Variants in LMOD1 observed in about 807,000 individuals in gnomAD.
The protein encoded by LMOD1 is leiomodin 1, also known as leiomodin-1.
A neutral mutation model predicts 36.5 loss-of-function variants in LMOD1; 8 were observed. The ratio of observed to expected loss-of-function variants is 0.22; its 90% confidence interval spans 0.13 to 0.40. The LOEUF (loss-of-function observed/expected upper bound fraction) is 0.40. LMOD1 is among the 10% of genes least tolerant of loss of function. The probability of loss-of-function intolerance (pLI) is 1.00; values close to 1 mark genes in which losing one functional copy is unlikely to be tolerated. For missense variants in LMOD1, 630 were observed against 751.1 expected (o/e 0.84, Z 1.88); for synonymous variants, 284 against 288.7 (o/e 0.98, Z 0.17).
Position 201,901,520 on chromosome 1 carries a change from ATATATATATG to A in LMOD1, c.262-779_262-770del, listed in dbSNP as rs1317422332. Among the ~76,000 whole-genome samples the A allele has an allele frequency of 1.7e-4, 10 of 57,196 alleles. 1 individual carries two copies. The highest frequency in any genetic ancestry group is 7.6e-4 in the African/African-American group (10 of 13,152). 37.5% of individuals were successfully genotyped at this position (57,196 alleles called of 152,430 possible). A position where few individuals can be genotyped will look rare whatever the true frequency, so the allele number is the denominator to read the frequency against. On this transcript the variant is annotated intron_variant, in intron 1 of 2. Coordinates refer to ENST00000367288, the MANE Select transcript of LMOD1 (RefSeq NM_012134.3). ...TCTGTCTCAAAAAAAAAATATATATATATATATATGTATATATATATATATATATATACAT... is the reference window on the plus strand; with the variant it reads ...TCTGTCTCAAAAAAAAAATATATATATATATATATATATATATATATACAT...
At chr1:201,924,652 GAA>G (rs1202826557) in intron 1 of LMOD1, among the ~76,000 whole-genome samples, 1 of 134,282 alleles carries the variant, frequency 7.4e-6, no homozygotes, top group Admixed American at 7.8e-5. Context: ...AAGAAAGAGA[GAA>G]AGAAAGAAAA....
intron 1 of LMOD1, 35 bp from the exon 2 acceptor site, chr1:201,900,786 G>T (rs1274512551): frequency 1.3e-6 from 2 of 1,538,150 alleles, no homozygotes; most frequent in Non-Finnish European, 1.7e-6. Context: ...ATCATGAAAA[G>T]CTGGCTACAG....
chr1:201,924,683 AAG>A (rs1681791643), intron 1 of LMOD1, among the ~76,000 whole-genome samples: 5 of 47,412 alleles, frequency 1.1e-4, no homozygotes, highest in Admixed American at 2.6e-4. Context: ...GAAAGAAAGA[AAG>A]AAAGAAAGAA....
intron 1 of LMOD1, among the ~76,000 whole-genome samples, chr1:201,941,404 C>T (rs747461085): frequency 1.1e-4 from 17 of 152,182 alleles, no homozygotes; most frequent in South Asian, 4.1e-4. Context: ...AATTTCAGGG[C>T]GAGATTTTAA....
chr1:201,901,561 T>TAC (rs1681311846), intron 1 of LMOD1, among the ~76,000 whole-genome samples: 3 of 30,166 alleles, frequency 9.9e-5, no homozygotes, highest in African/African-American at 5.7e-4. Flanking sequence ...TACATATATA[T>TAC]ATGTATATAT....
Position 201,897,170 on chromosome 1 carries a change from G to T in LMOD1, c.*1202C>A. 4.3e-6 allele frequency: 1 copy of T among 230,094 alleles called. No individual in the cohort carries two copies. Among genetic ancestry groups the T allele is most frequent in the Non-Finnish European group, 8.8e-6 (1 of 113,252 alleles). 14.3% of individuals were successfully genotyped at this position (230,094 alleles called of 1,614,324 possible). On this transcript the variant is annotated 3_prime_UTR_variant, in exon 3 of 3. Transcript: ENST00000367288. ...GAAGATGAGGCCCCTCTGAGCCCTA[G>T]GGCACACAGATATGGGTGCTATTCT...
In LMOD1 at chr1:201,901,553, CATATATATATGTATATATATATATATAT is replaced by C. The variant is rs779603669; in HGVS notation, c.262-830_262-803del. 1.5e-3 allele frequency among the ~76,000 whole-genome samples: 56 copies of C among 38,358 alleles called. 5 individuals carry two copies. Among genetic ancestry groups the C allele is most frequent in the South Asian group, 3.8e-3 (4 of 1,040 alleles). 25.2% of individuals were successfully genotyped at this position (38,358 alleles called of 152,430 possible). On this transcript the variant is annotated intron_variant, in intron 1 of 2. Coordinates refer to ENST00000367288, the MANE Select transcript of LMOD1 (RefSeq NM_012134.3). ...ATGTATATATATATATATATATATA[CATATATATATGTATATATATATATATAT>C]ATACATATATATATGTATATATATA... is the stretch of plus-strand genomic sequence containing the variant.
At chr1:201,935,447 C>A (rs919490523) in intron 1 of LMOD1, among the ~76,000 whole-genome samples, 1 of 151,852 alleles carries the variant, frequency 6.6e-6, no homozygotes, top group Non-Finnish European at 1.5e-5. Flanking sequence ...CCCAAAACCA[C>A]TCCTTCTCTG....
intron 1 of LMOD1, among the ~76,000 whole-genome samples, chr1:201,919,954 T>C (rs903205928): frequency 1.1e-4 from 17 of 151,876 alleles, no homozygotes; most frequent in Admixed American, 6.6e-4. Context: ...TTTCAGTGTC[T>C]TCCTAAAGTC....
Position 201,900,736 on chromosome 1 carries a change from C to G in LMOD1, c.277G>C (p.Glu93Gln), listed in dbSNP as rs1681287333. Residue 93 changes from glutamate to glutamine, a missense_variant, in exon 2 of 3, where the codon GAG becomes CAG. Physicochemically the swap from Glu to Gln is conservative, Grantham distance 29 (BLOSUM62 2). Around this residue, in one of 3 missense-constraint regions of LMOD1, gnomAD observed 405 missense variants for 400.6 expected, o/e 1.01. Coordinates refer to ENST00000367288, the MANE Select transcript of LMOD1 (RefSeq NM_012134.3). Reference protein sequence around the residue: ...EMSMDESKQVETKTDAKNGEE... With the variant: ...EMSMDESKQVQTKTDAKNGEE... ...CCATTCTTGGCATCTGTCTTGGTCT[C>G]CACTTGCTTGCTTTCCTAAGAATTC... 1 of 1,579,418 alleles carries G rather than the reference C, an allele frequency of 6.3e-7. No homozygotes were observed.
At chr1:201,905,818 T>C (rs572347495) in intron 1 of LMOD1, among the ~76,000 whole-genome samples, 1 of 152,354 alleles carries the variant, frequency 6.6e-6, no homozygotes, top group African/African-American at 2.4e-5. Flanking sequence ...GAGGTCACTT[T>C]CCAGGCACTC....
Position 201,900,500 on chromosome 1 carries a change from C to G in LMOD1, c.513G>C (p.Glu171Asp). The G allele has an allele frequency of 6.2e-7, 1 of 1,613,818 alleles. No homozygotes were observed. Among genetic ancestry groups the G allele is most frequent in the East Asian group, 2.2e-5 (1 of 44,854 alleles). The change falls in exon 2 of 3, where the codon GAG (glutamate) becomes GAC (aspartate). Residue 171 changes from glutamate to aspartate, a missense_variant. Transcript: ENST00000367288. ...CCTCTCCTCTCCCATCCTTCCCTGC[C>G]TCCTTCTTATCCACTGCAGCCCTGA... ...GRVRAAVDKK[E>D]AGKDGRGEER...
At chr1:201,930,453 G>A (rs1681898300) in intron 1 of LMOD1, among the ~76,000 whole-genome samples, 1 of 152,126 alleles carries the variant, frequency 6.6e-6, no homozygotes, top group Admixed American at 6.6e-5. Context: ...ACTGGGAGAG[G>A]GATTGGAGCA....
intron 1 of LMOD1, among the ~76,000 whole-genome samples, chr1:201,913,645 G>A (rs769698904): frequency 1.2e-4 from 19 of 152,128 alleles, no homozygotes; most frequent in Non-Finnish European, 2.4e-4. Flanking sequence ...TCCAGGACAA[G>A]GCTCGCCTCC....
intron 1 of LMOD1, among the ~76,000 whole-genome samples, chr1:201,907,493 CA>C (rs1207472951): frequency 6.6e-6 from 1 of 152,188 alleles, no homozygotes; most frequent in Non-Finnish European, 1.5e-5. Flanking sequence ...TATTGTTTAG[CA>C]GGGTGAAATT....
intron 1 of LMOD1, among the ~76,000 whole-genome samples, chr1:201,903,730 T>A (rs11587511): frequency 0.23 from 34,762 of 151,974 alleles, 4,285 homozygotes; most frequent in African/African-American, 0.31. Flanking sequence ...TCTAGGCCCA[T>A]GGTCTAGAGA....
intron 1 of LMOD1, among the ~76,000 whole-genome samples, chr1:201,928,054 C>T (rs1681858684): frequency 6.6e-6 from 1 of 152,154 alleles, no homozygotes; most frequent in African/African-American, 2.4e-5. Flanking sequence ...CTTCCTGGCT[C>T]TCTTTGGCCC....
chr1:201,941,965 G>T (rs1237441173), intron 1 of LMOD1, among the ~76,000 whole-genome samples: 1 of 152,210 alleles, frequency 6.6e-6, no homozygotes, highest in Admixed American at 6.5e-5. Flanking sequence ...GACCGGTTGG[G>T]ATCCGGTTCC....
In LMOD1 at chr1:201,900,578, A is replaced by G. The variant is rs772099110; in HGVS notation, c.435T>C (p.Ser145=). The G allele has an allele frequency of 1.9e-6, 3 of 1,612,482 alleles. No individual in the cohort carries two copies. The South Asian group carries it at 3.3e-5, about 18-fold the overall frequency. ...SRDRDEAGGK[S]GEKPKEEKII... ...TCTTCTCCTCCTTGGGCTTCTCGCCACTCTTGCCACCAGCTTCATCTCTGT... is the reference window on the plus strand; with the variant it reads ...TCTTCTCCTCCTTGGGCTTCTCGCCGCTCTTGCCACCAGCTTCATCTCTGT... The change falls in exon 2 of 3, where the codon AGT becomes AGC. Residue 145 remains serine (S), a synonymous_variant. Coordinates refer to ENST00000367288, the MANE Select transcript of LMOD1 (RefSeq NM_012134.3).
Sources: allele counts gnomAD v4.1 joint callset (sites outside exome capture counted in the v4.1 genomes callset), GRCh38; gene constraint gnomAD v4.1.1; regional missense constraint gnomAD v4.1.1; transcripts MANE v1.5; gene names NCBI Gene and HGNC (gene_info 2026-07-23, HGNC 2026-07-21).